The following PDZD2 variants were observed in gnomAD, a reference collection of about 807,000 sequenced individuals.
PDZD2 encodes the protein PDZ domain containing 2.
A neutral mutation model predicts 220.7 loss-of-function variants in PDZD2; 90 were observed. That is an observed-to-expected ratio of 0.41 (90% CI 0.34 to 0.49). PDZD2 has a LOEUF of 0.49. Ranked by LOEUF, PDZD2 falls within the 20% of genes least tolerant of loss-of-function variation. PDZD2 has a pLI of 0.28. For synonymous variants in PDZD2, 1,375 were observed against 1,450.5 expected (o/e 0.95, Z 1.18); for missense variants, 3,174 against 3,608.5 (o/e 0.88, Z 3.08).
intron 5 of PDZD2, among the ~76,000 whole-genome samples, chr5:32,005,177 G>A (rs1273738244): frequency 6.6e-6 from 1 of 152,138 alleles, no homozygotes; most frequent in African/African-American, 2.4e-5. Context: ...TGAAGAGGGA[G>A]GGGAGAGCTT....
chr5:31,640,013 T>C (rs540620450), intron 1 of PDZD2, among the ~76,000 whole-genome samples: 33 of 152,264 alleles, frequency 2.2e-4, no homozygotes, highest in African/African-American at 5.8e-4. Flanking sequence ...ATGGGGAACA[T>C]AGTGATAGGG....
chr5:31,919,889 G>A (rs537464906), intron 2 of PDZD2, among the ~76,000 whole-genome samples: 3 of 151,734 alleles, frequency 2.0e-5, no homozygotes, highest in South Asian at 4.2e-4. Flanking sequence ...GCGTGGTGGT[G>A]TGTGCCTGTA....
intron 2 of PDZD2, among the ~76,000 whole-genome samples, chr5:31,864,574 CA>C (rs1738018391): frequency 6.6e-6 from 1 of 151,674 alleles, no homozygotes; most frequent in South Asian, 2.1e-4. Context: ...GGCTGGAGTG[CA>C]ATGGCACAAT....
At chr5:32,091,279 C>CTTTT (rs57254389) in intron 20 of PDZD2, 104 bp downstream of exon 20, 195 of 262,426 alleles carry the variant, frequency 7.4e-4, no homozygotes, top group African/African-American at 1.2e-3. Context: ...TTCCCACTTA[C>CTTTT]TTTTTTTTTT....
chr5:31,842,122 C>G (rs1321477101), intron 2 of PDZD2, among the ~76,000 whole-genome samples: 1 of 152,216 alleles, frequency 6.6e-6, no homozygotes, highest in African/African-American at 2.4e-5. Context: ...TTTAAAAACA[C>G]ATATAGCTTG....
At chr5:32,068,079 A>G (rs530524122) in intron 14 of PDZD2, among the ~76,000 whole-genome samples, 2 of 152,286 alleles carry the variant, frequency 1.3e-5, no homozygotes, top group South Asian at 4.2e-4. Context: ...CGATTATAAG[A>G]CACATTGACC....
intron 1 of PDZD2, among the ~76,000 whole-genome samples, chr5:31,752,363 A>G (rs1751049712): frequency 6.6e-6 from 1 of 151,972 alleles, no homozygotes; most frequent in African/African-American, 2.4e-5. Flanking sequence ...AGGCTGGCCA[A>G]CATGGTGAAA....
intron 2 of PDZD2, among the ~76,000 whole-genome samples, chr5:31,900,101 C>T (rs1057068342): frequency 4.6e-5 from 7 of 152,186 alleles, no homozygotes; most frequent in East Asian, 1.9e-4. Flanking sequence ...CAGCAAATGA[C>T]GTAGTGAACG....
Position 32,048,622 on chromosome 5 carries a change from G to A in PDZD2, c.1603G>A (p.Val535Ile). The A allele has an allele frequency of 6.2e-7, 1 of 1,614,098 alleles. No individual in the cohort carries two copies. The highest frequency in any genetic ancestry group is 8.5e-7 in the Non-Finnish European group (1 of 1,179,986). ...GGACCCCCGGATCCGGATGTTGGAG[G>A]TCTCCCGAGATGGCCGGAAACACTC... is the stretch of plus-strand genomic sequence containing the variant. The part of the protein sequence containing the change: ...NGDPRIRMLE[V>I]SRDGRKHSLP... Residue 535 changes from valine (V) to isoleucine (I), a missense_variant, in exon 8 of 25, where the codon GTC becomes ATC. Physicochemically the swap from Val to Ile is conservative, Grantham distance 29. Coordinates refer to ENST00000438447, the MANE Select transcript of PDZD2 (RefSeq NM_178140.4).
intron 5 of PDZD2, among the ~76,000 whole-genome samples, chr5:32,002,769 ACACACCAACACAC>A (rs1752300647): frequency 8.0e-6 from 1 of 124,276 alleles, no homozygotes; most frequent in Non-Finnish European, 1.7e-5. Flanking sequence ...CACACACCAC[ACACACCAACACAC>A]AACCACACAC....
intron 1 of PDZD2, among the ~76,000 whole-genome samples, chr5:31,674,912 A>G (rs980480656): frequency 2.0e-5 from 3 of 152,152 alleles, no homozygotes; most frequent in Non-Finnish European, 4.4e-5. Context: ...CCTCTGACCC[A>G]GGGGGGTGGA....
intron 1 of PDZD2, among the ~76,000 whole-genome samples, chr5:31,693,240 CTTTT>C (rs10650316): frequency 3.4e-5 from 3 of 87,768 alleles, no homozygotes; most frequent in Admixed American, 1.6e-4. Flanking sequence ...TGGGAAAGCA[CTTTT>C]TTTTTTTTTT....
intron 1 of PDZD2, among the ~76,000 whole-genome samples, chr5:31,763,584 A>G (rs1751786358): frequency 6.6e-6 from 1 of 152,206 alleles, no homozygotes; most frequent in Non-Finnish European, 1.5e-5. Flanking sequence ...AACGTGGAAC[A>G]TTGAGAAGAA....
At chr5:32,049,793 G>C (rs1213639291) in intron 8 of PDZD2, among the ~76,000 whole-genome samples, 1 of 152,150 alleles carries the variant, frequency 6.6e-6, no homozygotes, top group Non-Finnish European at 1.5e-5. Flanking sequence ...GGGCATTGGG[G>C]CATTGAGTAA....
intron 2 of PDZD2, among the ~76,000 whole-genome samples, chr5:31,952,288 C>G (rs1307264740): frequency 6.6e-6 from 1 of 152,164 alleles, no homozygotes; most frequent in African/African-American, 2.4e-5. Flanking sequence ...TCATAGCAGA[C>G]AGTGATTTGA....
chr5:31,823,251 G>A lies in PDZD2; in HGVS notation c.476+23527G>A, dbSNP rs1464684008. 1.5e-5 allele frequency: 5 copies of A among 344,048 alleles called. No homozygotes were observed. In the East Asian group the frequency reaches 3.9e-4, roughly 27 times the overall value. The allele number at this position is 344,048 out of a possible 1,614,324, so 21.3% of individuals were successfully genotyped here. ...GGAGGCCAAGGCAGGTAGATCACGA[G>A]GTCAGGAGATCAAGACCAGCTGGGC... On this transcript the variant is annotated intron_variant, in intron 2 of 24. Coordinates refer to ENST00000438447, the MANE Select transcript of PDZD2 (RefSeq NM_178140.4).
intron 1 of PDZD2, among the ~76,000 whole-genome samples, chr5:31,756,265 A>G (rs1421305705): frequency 6.6e-6 from 1 of 152,218 alleles, no homozygotes; most frequent in African/African-American, 2.4e-5. Context: ...AAGGTGGCTT[A>G]GAAAACGTCA....
chr5:31,774,411 A>G (rs1752515307), intron 1 of PDZD2, among the ~76,000 whole-genome samples: 2 of 152,164 alleles, frequency 1.3e-5, no homozygotes, highest in Admixed American at 1.3e-4. Context: ...AAAACAAAGA[A>G]GATAAAAACT....
At chr5:31,904,668 C>T (rs1394347111) in intron 2 of PDZD2, among the ~76,000 whole-genome samples, 1 of 152,096 alleles carries the variant, frequency 6.6e-6, no homozygotes, top group Non-Finnish European at 1.5e-5. Flanking sequence ...GCTGGGACTA[C>T]AGGCGCCCAC....
Sources: allele counts gnomAD v4.1 joint callset (sites outside exome capture counted in the v4.1 genomes callset), GRCh38; gene constraint gnomAD v4.1.1; transcripts MANE v1.5; gene names NCBI Gene and HGNC (gene_info 2026-07-23, HGNC 2026-07-21).